The following CPM variants were observed in gnomAD, a reference collection of about 807,000 sequenced individuals.
The protein encoded by CPM is renal carboxypeptidase.
In CPM, 35 loss-of-function variants were observed where a neutral mutation model predicts 46.4. The observed-to-expected ratio is 0.75, with a 90% CI of 0.58 to 1.00. The LOEUF is 1.00. Ranked by LOEUF, CPM falls within the 50% of genes least tolerant of loss-of-function variation. The pLI is 0.00. For missense variants in CPM, 422 were observed against 530.4 expected, an observed-to-expected ratio of 0.80 and a Z score of 2.01; for synonymous variants, 195 against 195.3, an observed-to-expected ratio of 1.00 and a Z score of 0.01.
At chr12:68,870,175 C>T (rs1885627858) in intron 5 of CPM, 40 bp downstream of exon 5, 7 of 1,586,568 alleles carry the variant, frequency 4.4e-6, no homozygotes, top group Admixed American at 1.8e-5. Context: ...CAGCCCCACT[C>T]TGGACTTAAG....
At chr12:68,890,333 A>G (rs1454870406) in intron 2 of CPM, among the ~76,000 whole-genome samples, 3 of 151,728 alleles carry the variant, frequency 2.0e-5, no homozygotes, top group African/African-American at 7.3e-5. Context: ...CTGAGTAATT[A>G]TTTTCACCTT....
intron 7 of CPM, among the ~76,000 whole-genome samples, chr12:68,864,073 G>A (rs539791436): frequency 2.9e-4 from 44 of 152,318 alleles, no homozygotes; most frequent in African/African-American, 9.1e-4. Context: ...CAGGGTTGAT[G>A]TGCCAATATA....
At chr12:68,939,066 A>G (rs1299658194) in intron 1 of CPM, among the ~76,000 whole-genome samples, 1 of 146,910 alleles carries the variant, frequency 6.8e-6, no homozygotes. Context: ...ATATATGTAC[A>G]TACATCTATA....
chr12:68,954,854 T>TTGAAAAGTACAGA (rs1405972961), intron 1 of CPM, among the ~76,000 whole-genome samples: 1 of 152,126 alleles, frequency 6.6e-6, no homozygotes, highest in Non-Finnish European at 1.5e-5. Context: ...TACATTACAG[T>TTGAAAAGTACAGA]TGAAAAGTAC....
rs377692592 is a variant in CPM, at chr12:68,870,286, G to A, written c.545C>T (p.Thr182Met). The A allele has an allele frequency of 7.4e-6, 12 of 1,614,072 alleles. No individual in the cohort carries two copies. The African/African-American group carries it at 8.0e-5, about 11-fold the overall frequency. Residue 182 changes from threonine (T) to methionine (M), a missense_variant, in exon 5 of 9, where the codon ACG (threonine) becomes ATG (methionine). Coordinates refer to ENST00000551568, the MANE Select transcript of CPM (RefSeq NM_198320.5). The stretch of plus-strand genomic sequence containing the variant: ...ATGGAGGTTTGCAGAGAGGACAAAC[G>A]TCTCTGTTTTCAGCCACTTCATGAC... ...VAVMKWLKTETFVLSANLHGG... is the reference protein window; with the variant it reads ...VAVMKWLKTEMFVLSANLHGG...
At chr12:68,877,422 A>G (rs142513202) in intron 3 of CPM, among the ~76,000 whole-genome samples, 62 of 152,348 alleles carry the variant, frequency 4.1e-4, no homozygotes, top group African/African-American at 1.5e-3. Context: ...TGAAATTCAC[A>G]TGAGGACTTA....
At chr12:68,933,021 C>T in intron 1 of CPM, 121 bp downstream of exon 1, 1 of 551,720 alleles carries the variant, frequency 1.8e-6, no homozygotes, top group South Asian at 2.4e-5. Context: ...AGACCGGGAG[C>T]ACGGGCAGCC....
chr12:68,879,237 C>A (rs930983487), intron 3 of CPM, among the ~76,000 whole-genome samples: 1 of 152,174 alleles, frequency 6.6e-6, no homozygotes, highest in East Asian at 1.9e-4. Context: ...CAAGCATATT[C>A]AATAGTTACT....
chr12:68,872,765 G>A (rs1885767974), intron 3 of CPM, among the ~76,000 whole-genome samples: 1 of 151,424 alleles, frequency 6.6e-6, no homozygotes, highest in South Asian at 2.1e-4. Context: ...ACAGGGTCTT[G>A]CTATGTTGCT....
At chr12:68,862,802 TTGA>T (rs1885266402) in intron 7 of CPM, among the ~76,000 whole-genome samples, 1 of 150,562 alleles carries the variant, frequency 6.6e-6, no homozygotes, top group African/African-American at 2.4e-5. Context: ...AGTTGAAACA[TTGA>T]AAAAAAGACT....
chr12:68,889,583 C>G (rs895533839), intron 2 of CPM, among the ~76,000 whole-genome samples: 1 of 152,112 alleles, frequency 6.6e-6, no homozygotes, highest in African/African-American at 2.4e-5. Flanking sequence ...AATCCCAGCA[C>G]TTTGGGAGGC....
At chr12:68,870,501 C>A (rs944849479) in intron 4 of CPM, 102 bp from the exon 5 acceptor site, 2 of 1,020,568 alleles carry the variant, frequency 2.0e-6, no homozygotes, top group African/African-American at 1.6e-5. Flanking sequence ...TCTTTCCAAA[C>A]GTGAGTATGG....
At chr12:68,939,054 AGATAT>A (rs1289641143) in intron 1 of CPM, among the ~76,000 whole-genome samples, 1 of 147,168 alleles carries the variant, frequency 6.8e-6, no homozygotes, top group African/African-American at 2.5e-5. Context: ...GTATATACAT[AGATAT>A]ATGTACATAC....
chr12:68,870,151 A>G, intron 5 of CPM, 64 bp downstream of exon 5: 2 of 1,499,450 alleles, frequency 1.3e-6, no homozygotes, highest in Non-Finnish European at 1.8e-6. Flanking sequence ...CCCCATCCAG[A>G]GGCAGAGAGT....
intron 2 of CPM, among the ~76,000 whole-genome samples, chr12:68,894,297 C>T (rs752837114): frequency 3.9e-5 from 6 of 152,220 alleles, no homozygotes; most frequent in South Asian, 2.1e-4. Context: ...GCTAACCTAA[C>T]GGTGCCTGGC....
At chr12:68,945,954 G>A (rs1299131608) in intron 1 of CPM, among the ~76,000 whole-genome samples, 1 of 141,830 alleles carries the variant, frequency 7.1e-6, no homozygotes, top group Non-Finnish European at 1.5e-5. Flanking sequence ...TAGGGCTAAA[G>A]TGATCCTGCC....
At position 68,958,176 on chromosome 12, in the gene CPM, G is replaced by A. The variant is rs945940991; in HGVS notation, c.-4+4993C>T. On this transcript the variant is annotated intron_variant, in intron 1 of 8. Transcript: ENST00000546373. ...TATGTGTGCATGTGTCTTTATAGTA[G>A]CATGATTTATAATCCTTTGGATATA... Among the ~76,000 whole-genome samples, 56 of 152,116 alleles carry A rather than the reference G, an allele frequency of 3.7e-4. 1 individual carries two copies. Among genetic ancestry groups the A allele is most frequent in the Admixed American group, 3.9e-4 (6 of 15,270 alleles).
chr12:68,844,810 A>T, intron 5 of CPM: 1 of 200,196 alleles, frequency 5.0e-6, no homozygotes, highest in Non-Finnish European at 1.0e-5. Context: ...TCTGTGGCTC[A>T]GGCTGGAGTA....
upstream of CPM, among the ~76,000 whole-genome samples, chr12:68,934,050 GCCAACCCCC>G (rs1888620241): frequency 6.6e-6 from 1 of 151,964 alleles, no homozygotes; most frequent in Non-Finnish European, 1.5e-5. Context: ...TGTGGCACGG[GCCAACCCCC>G]TCTACCTCTC....
Sources: gnomAD v4.1 joint callset for allele counts (sites outside exome capture counted in the v4.1 genomes callset) on GRCh38, gnomAD v4.1.1 for gene constraint, MANE v1.5 for transcripts, NCBI Gene and HGNC (gene_info 2026-07-23, HGNC 2026-07-21) for gene names.